Variants in RARB observed in about 807,000 individuals in gnomAD.
RARB encodes retinoic acid receptor beta.
A neutral mutation model predicts 51.9 loss-of-function variants in RARB; 17 were observed. That is an observed-to-expected ratio of 0.33 (90% CI 0.22 to 0.49). The LOEUF is 0.49. RARB is among the 20% of genes least tolerant of loss of function. RARB has a pLI of 0.99. For missense variants in RARB, 369 were observed against 550.8 expected, an observed-to-expected ratio of 0.67 and a Z score of 3.30; for synonymous variants, 215 against 195.4, an observed-to-expected ratio of 1.10 and a Z score of -0.84.
intron 5 of RARB, among the ~76,000 whole-genome samples, chr3:25,208,089 T>A (rs1701599227): frequency 6.6e-6 from 1 of 152,050 alleles, no homozygotes; most frequent in South Asian, 2.1e-4. Flanking sequence ...ACTCACTCAT[T>A]ATTGCAAGGA....
intron 5 of RARB, among the ~76,000 whole-genome samples, chr3:25,587,852 G>A (rs180946156): frequency 6.6e-6 from 1 of 152,234 alleles, no homozygotes; most frequent in South Asian, 2.1e-4. Flanking sequence ...GAGTGACCAA[G>A]ATGGTTGAGC....
chr3:25,072,703 TA>T (rs1698791900), intron 3 of RARB, among the ~76,000 whole-genome samples: 1 of 150,710 alleles, frequency 6.6e-6, no homozygotes, highest in African/African-American at 2.5e-5. Context: ...AGGGTTTCTT[TA>T]ATTTTTTATT....
intron 2 of RARB, among the ~76,000 whole-genome samples, chr3:25,494,486 T>G (rs760013272): frequency 2.0e-5 from 3 of 152,232 alleles, no homozygotes; most frequent in Non-Finnish European, 4.4e-5. Context: ...TCAGTAAATA[T>G]TTTATGTGTC....
At chr3:24,846,756 T>C (rs1209248503) in intron 1 of RARB, among the ~76,000 whole-genome samples, 1 of 152,140 alleles carries the variant, frequency 6.6e-6, no homozygotes, top group Non-Finnish European at 1.5e-5. Flanking sequence ...AAATGTTCCT[T>C]CACTGTCAGT....
intron 5 of RARB, among the ~76,000 whole-genome samples, chr3:25,346,210 C>T (rs1559366133): frequency 6.6e-6 from 1 of 152,102 alleles, no homozygotes; most frequent in Non-Finnish European, 1.5e-5. Flanking sequence ...TTCTTTTTTG[C>T]CATTTCCTTA....
At chr3:25,178,753 G>A (rs1559494169) in intron 5 of RARB, among the ~76,000 whole-genome samples, 1 of 152,110 alleles carries the variant, frequency 6.6e-6, no homozygotes, top group African/African-American at 2.4e-5. Flanking sequence ...AGAGAGTGCC[G>A]CCGTACTGCC....
At chr3:25,484,208 C>T (rs2125584993) in intron 2 of RARB, among the ~76,000 whole-genome samples, 1 of 152,230 alleles carries the variant, frequency 6.6e-6, no homozygotes, top group Non-Finnish European at 1.5e-5. Flanking sequence ...TGGGAATTTT[C>T]TTTATGAGAA....
At chr3:25,578,525 G>T (rs1701035517) in intron 4 of RARB, among the ~76,000 whole-genome samples, 1 of 152,172 alleles carries the variant, frequency 6.6e-6, no homozygotes, top group African/African-American at 2.4e-5. Context: ...CCCTCCATAA[G>T]CTTGACTCTC....
intron 5 of RARB, among the ~76,000 whole-genome samples, chr3:25,322,678 G>A (rs570389904): frequency 6.6e-6 from 1 of 152,080 alleles, no homozygotes; most frequent in Non-Finnish European, 1.5e-5. Context: ...AGTAAAATCT[G>A]TTGATATTGT....
chr3:24,947,800 C>T (rs1445794280), intron 2 of RARB, among the ~76,000 whole-genome samples: 1 of 152,112 alleles, frequency 6.6e-6, no homozygotes, highest in African/African-American at 2.4e-5. Flanking sequence ...AATCAGGTCT[C>T]AACACTGCCA....
intron 5 of RARB, among the ~76,000 whole-genome samples, chr3:25,403,688 C>T (rs1707326263): frequency 6.6e-6 from 1 of 151,986 alleles, no homozygotes; most frequent in Non-Finnish European, 1.5e-5. Flanking sequence ...GTATCTCAAA[C>T]TGTATTACCA....
At chr3:24,952,240 AC>A (rs1264226656) in intron 2 of RARB, among the ~76,000 whole-genome samples, 1 of 136,300 alleles carries the variant, frequency 7.3e-6, no homozygotes, top group Admixed American at 6.9e-5. Context: ...ACAAAAAGTA[AC>A]ATTTGTTTTT....
In RARB at chr3:24,985,654, G is replaced by A. The variant is rs538440733; in HGVS notation, c.-379-74471G>A. ...GATGTTTGCCATTTGGAAAAAGGGG[G>A]TTTGGAAAAAAACAAACGTGGGTCT... On this transcript the variant is annotated intron_variant, in intron 2 of 11. Coordinates refer to the RARB transcript ENST00000383772. 2.4e-4 allele frequency among the ~76,000 whole-genome samples: 36 copies of A among 152,234 alleles called. No individual in the cohort carries two copies. The South Asian group carries it at 7.5e-3, about 32-fold the overall frequency.
At chr3:25,591,354 A>C (rs57315580) in intron 5 of RARB, among the ~76,000 whole-genome samples, 8,756 of 152,280 alleles carry the variant, frequency 0.057, 789 homozygotes, top group African/African-American at 0.2. Flanking sequence ...AGGCAGGCCA[A>C]CGTGAATAGT....
At chr3:24,885,757 G>A (rs1232136006) in intron 2 of RARB, among the ~76,000 whole-genome samples, 1 of 152,098 alleles carries the variant, frequency 6.6e-6, no homozygotes, top group Non-Finnish European at 1.5e-5. Flanking sequence ...TTTAAAGCAG[G>A]GTCTGCAGTC....
chr3:24,970,348 C>T (rs571942669), intron 2 of RARB, among the ~76,000 whole-genome samples: 11 of 151,976 alleles, frequency 7.2e-5, no homozygotes, highest in Non-Finnish European at 1.6e-4. Flanking sequence ...ATTTCAGCTT[C>T]CTCTGGAATG....
At chr3:25,057,723 A>G (rs920741948) in intron 2 of RARB, among the ~76,000 whole-genome samples, 15 of 151,988 alleles carry the variant, frequency 9.9e-5, no homozygotes, top group African/African-American at 1.7e-4. Flanking sequence ...TAAGAATATG[A>G]TGAGTCCTTA....
chr3:25,006,699 C>T (rs2125277652), intron 2 of RARB, among the ~76,000 whole-genome samples: 1 of 152,204 alleles, frequency 6.6e-6, no homozygotes, highest in East Asian at 1.9e-4. Context: ...AAATCACAGG[C>T]AATTAGGTAA....
intron 4 of RARB, among the ~76,000 whole-genome samples, chr3:25,151,843 GAA>G (rs1474913748): frequency 2.0e-5 from 3 of 152,138 alleles, no homozygotes; most frequent in Non-Finnish European, 4.4e-5. Flanking sequence ...ATAACACTGA[GAA>G]AGTTTTTGTG....
Sources: gnomAD v4.1 joint callset for allele counts (sites outside exome capture counted in the v4.1 genomes callset) on GRCh38, gnomAD v4.1.1 for gene constraint, MANE v1.5 for transcripts, NCBI Gene and HGNC (gene_info 2026-07-23, HGNC 2026-07-21) for gene names.